PEPD: variants seen among roughly 807,000 people sequenced by gnomAD.
The protein encoded by PEPD is xaa-Pro dipeptidase.
A neutral mutation model predicts 60.7 loss-of-function variants in PEPD; 53 were observed. The observed-to-expected ratio is 0.87, with a 90% CI of 0.70 to 1.10. The LOEUF (loss-of-function observed/expected upper bound fraction) is 1.10, where lower values mean the gene tolerates loss of function less well. PEPD is among the 50% of genes least tolerant of loss of function. The pLI, the probability that PEPD is intolerant of heterozygous loss-of-function variation, is 0.00. For synonymous variants in PEPD, 267 were observed against 284.1 expected (o/e 0.94, Z 0.60); for missense variants, 711 against 711.9 (o/e 1.00, Z 0.01).
At chr19:33,398,858 T>C (rs933754150) in intron 12 of PEPD, among the ~76,000 whole-genome samples, 3 of 152,192 alleles carry the variant, frequency 2.0e-5, no homozygotes, top group Non-Finnish European at 4.4e-5. Flanking sequence ...GCACGGGAAT[T>C]CACGCTCTCA....
chr19:33,407,400 C>T (rs1968653672), intron 11 of PEPD, among the ~76,000 whole-genome samples: 1 of 152,212 alleles, frequency 6.6e-6, no homozygotes, highest in Admixed American at 6.5e-5. Context: ...ACAGCCCAGG[C>T]TGTTTGTGGA....
intron 12 of PEPD, among the ~76,000 whole-genome samples, chr19:33,398,444 G>A (rs576295886): frequency 2.3e-4 from 35 of 152,376 alleles, no homozygotes; most frequent in African/African-American, 8.2e-4. Context: ...TACAGAGTGG[G>A]AGGCCAGCCC....
chr19:33,399,110 T>A lies in PEPD; in HGVS notation c.967+2611A>T, dbSNP rs531644551. On this transcript the variant is annotated intron_variant, in intron 12 of 14. Coordinates refer to ENST00000244137, the MANE Select transcript of PEPD (RefSeq NM_000285.4). ...GCGATTCGATTCTCGTGCCTTGGCC[T>A]CCCGAGTAGCTGGGATTACAGGCAT... 2.0e-3 allele frequency among the ~76,000 whole-genome samples: 302 copies of A among 152,278 alleles called. 4 individuals carry two copies. The highest frequency in any genetic ancestry group is 6.9e-3 in the African/African-American group (287 of 41,548).
chr19:33,389,039 G>C (rs138071669), intron 13 of PEPD: 253 of 152,554 alleles, frequency 1.7e-3, no homozygotes, highest in Non-Finnish European at 3.2e-3. Flanking sequence ...TCCCCAGGAA[G>C]CCCAGCTGCT....
At chr19:33,487,072 A>T (rs1261667633) in intron 6 of PEPD, 40 of 152,396 alleles carry the variant, frequency 2.6e-4, no homozygotes, top group Admixed American at 2.6e-3. Flanking sequence ...CGACAGCAAG[A>T]TTCATCTTGC....
intron 11 of PEPD, among the ~76,000 whole-genome samples, chr19:33,409,593 T>G (rs1968717690): frequency 6.6e-6 from 1 of 152,194 alleles, no homozygotes; most frequent in Admixed American, 6.5e-5. Context: ...GAGGATCTCT[T>G]AAGCCTAGGA....
At chr19:33,521,271 G>T (rs938959851) in intron 1 of PEPD, among the ~76,000 whole-genome samples, 1 of 152,246 alleles carries the variant, frequency 6.6e-6, no homozygotes, top group African/African-American at 2.4e-5. Flanking sequence ...ACAAAAAGTG[G>T]GATAGATGGT....
At chr19:33,420,563 A>G (rs1968990166) in intron 9 of PEPD, among the ~76,000 whole-genome samples, 1 of 152,026 alleles carries the variant, frequency 6.6e-6, no homozygotes, top group African/African-American at 2.4e-5. Context: ...TTAGCCAGGC[A>G]TGGTGGCAGG....
chr19:33,407,864 C>T (rs114992572), intron 11 of PEPD, among the ~76,000 whole-genome samples: 2,498 of 152,318 alleles, frequency 0.016, 65 homozygotes, highest in African/African-American at 0.056. Context: ...CACAAAGTCC[C>T]GTCCCTCACC....
rs774917395 is a variant in PEPD at position 33,387,391 on chromosome 19, T to C, written c.1435A>G (p.Met479Val). 35 of 1,613,982 alleles carry C rather than the reference T, an allele frequency of 2.2e-5. No individual in the cohort carries two copies. In the Admixed American group the frequency reaches 5.5e-4, roughly 25 times the overall value. Residue 479 changes from methionine (M) to valine (V), a missense_variant, in exon 15 of 15, where the codon ATG becomes GTG. By Grantham distance (21) the Met-to-Val change is conservative. Transcript: ENST00000244137. ...GTAAAGGCCTTGTCACAGCCTGCCATGCATGCTTCAATCTCTTCCACAGTG... is the reference window on the plus strand; with the variant it reads ...GTAAAGGCCTTGTCACAGCCTGCCACGCATGCTTCAATCTCTTCCACAGTG... ...PRTVEEIEAC[M>V]AGCDKAFTPF...
intron 7 of PEPD, among the ~76,000 whole-genome samples, chr19:33,467,384 C>CA (rs906880866): frequency 2.0e-5 from 3 of 151,806 alleles, no homozygotes; most frequent in African/African-American, 7.3e-5. Flanking sequence ...ATGTCTCCCC[C>CA]AAACAGGTAA....
At chr19:33,434,374 T>C (rs1382525211) in intron 9 of PEPD, among the ~76,000 whole-genome samples, 1 of 152,170 alleles carries the variant, frequency 6.6e-6, no homozygotes, top group Non-Finnish European at 1.5e-5. Flanking sequence ...GTGTGGACGC[T>C]GCCAGCTGTG....
intron 6 of PEPD, among the ~76,000 whole-genome samples, chr19:33,486,041 C>G (rs1056143472): frequency 9.2e-5 from 14 of 152,042 alleles, no homozygotes; most frequent in African/African-American, 3.4e-4. Context: ...CCCCAACAGA[C>G]CATCTCTCCT....
intron 7 of PEPD, among the ~76,000 whole-genome samples, chr19:33,465,934 G>C (rs1260828384): frequency 6.6e-6 from 1 of 152,160 alleles, no homozygotes; most frequent in Non-Finnish European, 1.5e-5. Flanking sequence ...TACTCCAGCA[G>C]AGAGAGAAGG....
chr19:33,390,449 C>G (rs1220549472), intron 13 of PEPD, among the ~76,000 whole-genome samples: 2 of 152,248 alleles, frequency 1.3e-5, no homozygotes, highest in Non-Finnish European at 2.9e-5. Context: ...CCACTGCCCC[C>G]ACCCTGCCAA....
At chr19:33,473,707 A>G (rs1165012475) in intron 7 of PEPD, among the ~76,000 whole-genome samples, 1 of 152,218 alleles carries the variant, frequency 6.6e-6, no homozygotes, top group East Asian at 1.9e-4. Flanking sequence ...AATCATCTGC[A>G]AAACAGTAAA....
chr19:33,435,446 G>A (rs538960214), intron 9 of PEPD, among the ~76,000 whole-genome samples: 3 of 152,352 alleles, frequency 2.0e-5, no homozygotes, highest in Admixed American at 6.5e-5. Flanking sequence ...CGGCTGCCCG[G>A]GCCCCTCGGC....
intron 9 of PEPD, among the ~76,000 whole-genome samples, chr19:33,453,169 C>A (rs1433899680): frequency 6.6e-6 from 1 of 152,026 alleles, no homozygotes; most frequent in Admixed American, 6.6e-5. Flanking sequence ...AAAAAATTAG[C>A]CAGGCATGGT....
intron 12 of PEPD, among the ~76,000 whole-genome samples, chr19:33,394,012 C>CT (rs1295197712): frequency 6.6e-6 from 1 of 152,274 alleles, no homozygotes; most frequent in African/African-American, 2.4e-5. Context: ...TCCATCCAGC[C>CT]TGCAGCCGTC....
Sources: allele counts gnomAD v4.1 joint callset (sites outside exome capture counted in the v4.1 genomes callset), GRCh38; gene constraint gnomAD v4.1.1; transcripts MANE v1.5; gene names NCBI Gene and HGNC (gene_info 2026-07-23, HGNC 2026-07-21).